HDAC9: variants seen among roughly 807,000 people sequenced by gnomAD.
The protein encoded by HDAC9 is histone deacetylase 9, also known as MEF-2 interacting transcription repressor (MITR) protein.
In HDAC9, 41 loss-of-function variants were observed where a neutral mutation model predicts 139.4. The ratio of observed to expected loss-of-function variants is 0.29; its 90% confidence interval spans 0.23 to 0.38. The LOEUF (loss-of-function observed/expected upper bound fraction) is 0.38, where lower values mean the gene tolerates loss of function less well. Ranked by LOEUF, HDAC9 falls within the 10% of genes least tolerant of loss-of-function variation. The probability of loss-of-function intolerance (pLI) is 1.00; values close to 1 mark genes in which losing one functional copy is unlikely to be tolerated. For missense variants in HDAC9, 1,147 were observed against 1,297.0 expected (o/e 0.88, Z 1.78); for synonymous variants, 517 against 476.2 (o/e 1.09, Z -1.12).
intron 12 of HDAC9, among the ~76,000 whole-genome samples, chr7:18,725,127 G>T (rs551921736): frequency 6.6e-6 from 1 of 152,180 alleles, no homozygotes; most frequent in African/African-American, 2.4e-5. Flanking sequence ...AGTGCCCAAA[G>T]CCTATGATAT....
chr7:18,274,606 T>A (rs1796597134), intron 2 of HDAC9, among the ~76,000 whole-genome samples: 2 of 152,054 alleles, frequency 1.3e-5, no homozygotes. Context: ...ACAAACCACA[T>A]CCCAACTATA....
intron 1 of HDAC9, among the ~76,000 whole-genome samples, chr7:18,467,047 T>G (rs949033203): frequency 3.3e-5 from 5 of 152,230 alleles, no homozygotes; most frequent in Non-Finnish European, 7.3e-5. Flanking sequence ...CTTTCAAATC[T>G]GTTATCTGCC....
intron 12 of HDAC9, among the ~76,000 whole-genome samples, chr7:18,703,973 T>A (rs956295442): frequency 1.3e-5 from 2 of 152,180 alleles, no homozygotes; most frequent in Non-Finnish European, 2.9e-5. Flanking sequence ...TGTCCTGCCT[T>A]GACTAATGTG....
At chr7:18,655,049 G>A (rs1332842870) in intron 11 of HDAC9, among the ~76,000 whole-genome samples, 1 of 152,202 alleles carries the variant, frequency 6.6e-6, no homozygotes, top group Non-Finnish European at 1.5e-5. Flanking sequence ...CCTGAAGCTG[G>A]AAGTTACCGA....
intron 1 of HDAC9, among the ~76,000 whole-genome samples, chr7:18,418,200 C>T (rs140517003): frequency 6.6e-6 from 1 of 152,194 alleles, no homozygotes; most frequent in Non-Finnish European, 1.5e-5. Context: ...AGGGTAAATT[C>T]AATTCCTGCT....
At chr7:18,201,957 G>A (rs1400249642) in intron 2 of HDAC9, among the ~76,000 whole-genome samples, 1 of 152,196 alleles carries the variant, frequency 6.6e-6, no homozygotes, top group African/African-American at 2.4e-5. Flanking sequence ...ATACTTCCCA[G>A]TAATGGAAGA....
At chr7:18,183,919 A>G (rs183918453) in intron 2 of HDAC9, among the ~76,000 whole-genome samples, 2 of 152,300 alleles carry the variant, frequency 1.3e-5, no homozygotes, top group African/African-American at 4.8e-5. Context: ...CATTCTCACA[A>G]TGAGTATGCA....
At chr7:18,820,179 A>T (rs1021356102) in intron 17 of HDAC9, among the ~76,000 whole-genome samples, 4 of 150,762 alleles carry the variant, frequency 2.7e-5, no homozygotes, top group African/African-American at 9.7e-5. Flanking sequence ...TTTCTTGCAT[A>T]TGTCTTCTGA....
At chr7:18,547,929 C>T (rs1040831382) in intron 2 of HDAC9, among the ~76,000 whole-genome samples, 6 of 148,304 alleles carry the variant, frequency 4.0e-5, no homozygotes, top group African/African-American at 1.5e-4. Flanking sequence ...CTCTCCCTCC[C>T]TCCATTTGCA....
intron 1 of HDAC9, among the ~76,000 whole-genome samples, chr7:18,106,155 T>G (rs1478920432): frequency 6.6e-6 from 1 of 152,224 alleles, no homozygotes; most frequent in Non-Finnish European, 1.5e-5. Context: ...TGTATACCTC[T>G]GTGAATATAA....
At chr7:18,613,959 T>G (rs1430033087) in intron 6 of HDAC9, among the ~76,000 whole-genome samples, 2 of 152,168 alleles carry the variant, frequency 1.3e-5, no homozygotes. Flanking sequence ...ATGAAGCTCA[T>G]GAAACCTGAG....
intron 2 of HDAC9, among the ~76,000 whole-genome samples, chr7:18,525,999 C>G (rs1806767746): frequency 6.6e-6 from 1 of 152,108 alleles, no homozygotes; most frequent in African/African-American, 2.4e-5. Flanking sequence ...TATCTCTTTG[C>G]CTGCTACTCA....
chr7:18,688,082 C>G (rs1782404461), intron 12 of HDAC9, among the ~76,000 whole-genome samples: 1 of 151,750 alleles, frequency 6.6e-6, no homozygotes, highest in Non-Finnish European at 1.5e-5. Context: ...TATACACACA[C>G]ACACTTATAT....
At chr7:18,237,949 C>T (rs1402551725) in intron 2 of HDAC9, among the ~76,000 whole-genome samples, 2 of 152,130 alleles carry the variant, frequency 1.3e-5, no homozygotes, top group African/African-American at 2.4e-5. Context: ...TGTCAATGGC[C>T]ATAAATCTTT....
chr7:18,192,712 A>G (rs1221652120), intron 2 of HDAC9, among the ~76,000 whole-genome samples: 1 of 152,184 alleles, frequency 6.6e-6, no homozygotes, highest in Non-Finnish European at 1.5e-5. Flanking sequence ...CATGAAATCA[A>G]TTTAGTAGGT....
intron 2 of HDAC9, among the ~76,000 whole-genome samples, chr7:18,243,850 T>C (rs1477715614): frequency 2.0e-5 from 3 of 152,358 alleles, no homozygotes; most frequent in Admixed American, 6.5e-5. Context: ...CAGGAGAAGA[T>C]AGATACAGCA....
intron 1 of HDAC9, among the ~76,000 whole-genome samples, chr7:18,479,601 G>A (rs1396555388): frequency 1.3e-5 from 2 of 152,062 alleles, no homozygotes; most frequent in Non-Finnish European, 2.9e-5. Context: ...TCAAAATTAT[G>A]ACTTTTCTTG....
intron 2 of HDAC9, among the ~76,000 whole-genome samples, chr7:18,558,935 CTTG>C (rs2128698294): frequency 1.3e-5 from 2 of 152,278 alleles, no homozygotes; most frequent in African/African-American, 4.8e-5. Context: ...GCTTTGCCAG[CTTG>C]TTAAGAGTGG....
chr7:18,760,549 A>G (rs748669070), intron 14 of HDAC9, among the ~76,000 whole-genome samples: 1 of 152,214 alleles, frequency 6.6e-6, no homozygotes, highest in African/African-American at 2.4e-5. Flanking sequence ...TCTCTAAATC[A>G]TACTTTTATT....
Sources: gnomAD v4.1 joint callset for allele counts (sites outside exome capture counted in the v4.1 genomes callset) on GRCh38, gnomAD v4.1.1 for gene constraint, MANE v1.5 for transcripts, NCBI Gene and HGNC (gene_info 2026-07-23, HGNC 2026-07-21) for gene names.